The following DLG2 variants were observed in gnomAD, a reference collection of about 807,000 sequenced individuals.
DLG2 encodes disks large homolog 2.
A neutral mutation model predicts 132.5 loss-of-function variants in DLG2; 45 were observed. The observed-to-expected ratio is 0.34, with a 90% CI of 0.27 to 0.44. The LOEUF is 0.44. DLG2 is among the 20% of genes least tolerant of loss of function. DLG2 has a pLI of 1.00. For missense variants in DLG2, 1,045 were observed against 1,196.9 expected, an observed-to-expected ratio of 0.87 and a Z score of 1.87; for synonymous variants, 424 against 419.6, an observed-to-expected ratio of 1.01 and a Z score of -0.13.
chr11:84,814,128 G>C (rs2076853271), intron 6 of DLG2, among the ~76,000 whole-genome samples: 1 of 151,896 alleles, frequency 6.6e-6, no homozygotes, highest in Non-Finnish European at 1.5e-5. Flanking sequence ...TTTTACATTT[G>C]TTTCTCATTT....
At chr11:85,387,055 T>A (rs2086401772) in intron 3 of DLG2, among the ~76,000 whole-genome samples, 1 of 150,662 alleles carries the variant, frequency 6.6e-6, no homozygotes, top group African/African-American at 2.5e-5. Context: ...ACTCAGATAA[T>A]TTTTGTATTT....
chr11:84,763,165 T>A (rs2067887210), intron 6 of DLG2: 1 of 152,156 alleles, frequency 6.6e-6, no homozygotes, highest in South Asian at 2.1e-4. Context: ...AAGTGCCAAC[T>A]CTAACATAGG....
intron 3 of DLG2, among the ~76,000 whole-genome samples, chr11:85,422,562 C>T (rs1215422626): frequency 3.3e-5 from 5 of 150,104 alleles, no homozygotes; most frequent in Non-Finnish European, 5.9e-5. Context: ...GGGGATTTGT[C>T]GGGGTTTCTT....
chr11:84,743,354 G>A (rs1343487607), intron 6 of DLG2, among the ~76,000 whole-genome samples: 2 of 152,090 alleles, frequency 1.3e-5, no homozygotes, highest in Non-Finnish European at 2.9e-5. Flanking sequence ...GGATCTTTAA[G>A]AGGCCATGTA....
chr11:84,762,449 C>T (rs1231048400), intron 6 of DLG2, among the ~76,000 whole-genome samples: 2 of 152,092 alleles, frequency 1.3e-5, no homozygotes, highest in Non-Finnish European at 2.9e-5. Flanking sequence ...TATTTTCTTT[C>T]CTAAGAGGAT....
intron 8 of DLG2, among the ~76,000 whole-genome samples, chr11:84,245,226 C>CT (rs1241584167): frequency 6.6e-6 from 1 of 152,022 alleles, no homozygotes; most frequent in Middle Eastern, 3.4e-3. Flanking sequence ...TGTGTTCAGC[C>CT]TTTTTTTTGG....
chr11:84,960,044 G>A (rs1309731138), intron 6 of DLG2, among the ~76,000 whole-genome samples: 2 of 152,250 alleles, frequency 1.3e-5, no homozygotes, highest in East Asian at 1.9e-4. Context: ...AAGGTATTTT[G>A]CACATACCAT....
intron 21 of DLG2, among the ~76,000 whole-genome samples, chr11:83,526,909 C>G (rs1474113303): frequency 6.6e-6 from 1 of 152,148 alleles, no homozygotes; most frequent in African/African-American, 2.4e-5. Context: ...ATCACTTCCT[C>G]CCTGTAGACA....
At chr11:83,634,662 G>C (rs2064331118) in intron 18 of DLG2, among the ~76,000 whole-genome samples, 1 of 152,104 alleles carries the variant, frequency 6.6e-6, no homozygotes, top group Non-Finnish European at 1.5e-5. Flanking sequence ...TCTACTTACA[G>C]AGTGTTTCAA....
At chr11:84,973,968 G>A (rs2154115945) in intron 6 of DLG2, among the ~76,000 whole-genome samples, 1 of 152,288 alleles carries the variant, frequency 6.6e-6, no homozygotes, top group South Asian at 2.1e-4. Flanking sequence ...TCAGCAAGCT[G>A]TATTTGGCCC....
chr11:84,277,903 T>C (rs900578140), intron 7 of DLG2, among the ~76,000 whole-genome samples: 12 of 152,288 alleles, frequency 7.9e-5, no homozygotes, highest in Admixed American at 7.8e-4. Flanking sequence ...AGGAAATCTT[T>C]ATGTATGTAG....
intron 3 of DLG2, among the ~76,000 whole-genome samples, chr11:85,521,732 G>A (rs1490333824): frequency 6.6e-6 from 1 of 152,148 alleles, no homozygotes; most frequent in Admixed American, 6.5e-5. Context: ...TGAAGATGAG[G>A]AACTTTTTGG....
At chr11:84,959,816 A>G (rs2052275005) in intron 6 of DLG2, among the ~76,000 whole-genome samples, 1 of 152,178 alleles carries the variant, frequency 6.6e-6, no homozygotes, top group South Asian at 2.1e-4. Flanking sequence ...ATAGAAAGAT[A>G]TGAGTTGGAT....
intron 10 of DLG2, among the ~76,000 whole-genome samples, chr11:84,068,069 T>G (rs2096705822): frequency 6.6e-6 from 1 of 152,142 alleles, no homozygotes; most frequent in Non-Finnish European, 1.5e-5. Context: ...CCAGAAGAAA[T>G]AGAAACTTGA....
intron 3 of DLG2, chr11:85,469,590 C>T (rs770424493): frequency 3.3e-5 from 5 of 152,230 alleles, no homozygotes; most frequent in Non-Finnish European, 5.9e-5. Context: ...CAGTCCTCTT[C>T]CACCACGTTG....
intron 6 of DLG2, among the ~76,000 whole-genome samples, chr11:84,897,083 C>T (rs1029656495): frequency 6.6e-5 from 10 of 151,884 alleles, no homozygotes; most frequent in African/African-American, 2.2e-4. Flanking sequence ...TCAAATCACA[C>T]TCCTTCACCC....
intron 16 of DLG2, among the ~76,000 whole-genome samples, chr11:83,872,115 G>A (rs1178416797): frequency 6.6e-6 from 1 of 152,042 alleles, no homozygotes; most frequent in Non-Finnish European, 1.5e-5. Flanking sequence ...AATACAAAAA[G>A]TAGCTGGCGT....
chr11:84,828,677 GC>G (rs2078646578), intron 6 of DLG2, among the ~76,000 whole-genome samples: 1 of 151,692 alleles, frequency 6.6e-6, no homozygotes, highest in Non-Finnish European at 1.5e-5. Context: ...ACATGGAGGT[GC>G]CAAAGCTAAG....
At chr11:84,449,154 A>AT (rs914008259) in intron 7 of DLG2, among the ~76,000 whole-genome samples, 22 of 151,790 alleles carry the variant, frequency 1.4e-4, no homozygotes, top group South Asian at 6.2e-4. Context: ...AAGCTGTCAC[A>AT]TTTTTTTTAC....
Sources: allele counts gnomAD v4.1 joint callset (sites outside exome capture counted in the v4.1 genomes callset), GRCh38; gene constraint gnomAD v4.1.1; transcripts MANE v1.5; gene names NCBI Gene and HGNC (gene_info 2026-07-23, HGNC 2026-07-21).